BSG: variants seen among roughly 807,000 people sequenced by gnomAD.
BSG encodes basigin (Ok blood group).
In BSG, 37 loss-of-function variants were observed where a neutral mutation model predicts 43.1. The ratio of observed to expected loss-of-function variants is 0.86; its 90% CI spans 0.66 to 1.13. The LOEUF is 1.13. Among genes scored for constraint, BSG ranks in the 50% most tolerant of loss-of-function variants. The probability of loss-of-function intolerance (pLI) is 0.00; values close to 1 mark genes in which losing one functional copy is unlikely to be tolerated. For missense variants in BSG, 599 were observed against 554.2 expected, an observed-to-expected ratio of 1.08 and a Z score of -0.81; for synonymous variants, 309 against 238.7, an observed-to-expected ratio of 1.29 and a Z score of -2.72.
At chr19:572,310 G>C (rs1196340770), upstream of BSG, 1 of 885,032 alleles carries the variant, frequency 1.1e-6, no homozygotes, top group Non-Finnish European at 1.4e-6. Flanking sequence ...ACCGCTCTGC[G>C]CTCATTGCAA....
At chr19:578,251 C>T (rs761019268) in intron 2 of BSG, 130 bp downstream of exon 2, 13 of 1,007,148 alleles carry the variant, frequency 1.3e-5, no homozygotes, top group Admixed American at 3.3e-5. Flanking sequence ...TTGGGCCCAC[C>T]GCCTGGACGG....
chr19:578,775 A>G (rs1982008971), intron 2 of BSG: 2 of 300,122 alleles, frequency 6.7e-6, no homozygotes. Flanking sequence ...TGCTGTTCCC[A>G]GGTGGAGTGT....
At chr19:578,921 G>T (rs1240878293) in intron 2 of BSG, 2 of 426,150 alleles carry the variant, frequency 4.7e-6, no homozygotes, top group East Asian at 1.4e-4. Flanking sequence ...TAGAAGAGAC[G>T]GGGTTTCACC....
rs2145905864 is a variant in BSG, at chr19:583,117, C to T, written c.*373C>T. 2 of 158,144 alleles carry T rather than the reference C, an allele frequency of 1.3e-5. No homozygotes were observed. Among genetic ancestry groups the T allele is most frequent in the South Asian group, 1.8e-4 (1 of 5,494 alleles). The allele number at this position is 158,144 out of a possible 1,614,324, so 9.8% of individuals were successfully genotyped here. On this transcript the variant is annotated 3_prime_UTR_variant, in exon 9 of 9. Coordinates refer to ENST00000333511, the MANE Select transcript of BSG (RefSeq NM_001728.4). Reference sequence around the variant, plus strand: ...TCACACGAGGGGCCCCGTGTCCTGCCTGTCTGAAGCCAATGCTGTCTGGTT... The same window carrying T: ...TCACACGAGGGGCCCCGTGTCCTGCTTGTCTGAAGCCAATGCTGTCTGGTT...
chr19:578,258 A>G (rs2145895224), intron 2 of BSG, 137 bp downstream of exon 2: 2 of 948,700 alleles, frequency 2.1e-6, no homozygotes, highest in Non-Finnish European at 2.9e-6. Context: ...CACCGCCTGG[A>G]CGGAGGGGCC....
In BSG at chr19:582,884, T is replaced by A. The variant is rs1421938356; in HGVS notation, c.*140T>A. 3 of 441,132 alleles carry A rather than the reference T, an allele frequency of 6.8e-6. No individual in the cohort carries two copies. Among genetic ancestry groups the A allele is most frequent in the South Asian group, 3.5e-5 (1 of 28,634 alleles). The allele number at this position is 441,132 out of a possible 1,614,324, so 27.3% of individuals were successfully genotyped here. The stretch of plus-strand genomic sequence containing the variant: ...TCCCATCATACACTTCCTTCTTTTT[T>A]AAAAAAGTTGGGTTTTCTCCATTCA... On this transcript the variant is annotated 3_prime_UTR_variant, in exon 9 of 9. Coordinates refer to ENST00000333511, the MANE Select transcript of BSG (RefSeq NM_001728.4).
intron 6 of BSG, 69 bp from the exon 7 acceptor site, chr19:582,226 CCCTGCTCGGGG>C (rs1462212000): frequency 1.8e-5 from 29 of 1,577,376 alleles, no homozygotes; most frequent in Non-Finnish European, 2.5e-5. Context: ...GCACAGATGC[CCCTGCTCGGGG>C]CCTGAGTGGG....
chr19:581,308 C>A lies in BSG; in HGVS notation c.793-7C>A, dbSNP rs373808404. On this transcript the variant is annotated splice_polypyrimidine_tract_variant and splice_region_variant and intron_variant, in intron 5 of 8. Coordinates refer to ENST00000333511, the MANE Select transcript of BSG (RefSeq NM_001728.4). ...CCTGGACTCAGCCCTTGCCTTTGGT[C>A]CCCTAGGCCCTCATGAACGGCTCCG... 150 of 1,608,290 alleles carry A rather than the reference C, an allele frequency of 9.3e-5. No individual in the cohort carries two copies. The highest frequency in any genetic ancestry group is 7.2e-5 in the Non-Finnish European group (85 of 1,176,980).
intron 1 of BSG, among the ~76,000 whole-genome samples, chr19:574,825 C>T (rs1319146366): frequency 6.6e-6 from 1 of 152,208 alleles, no homozygotes; most frequent in Non-Finnish European, 1.5e-5. Context: ...CTGGCCCCAG[C>T]ACTGCGGCCA....
rs144824657 is a variant in BSG at position 577,782 on chromosome 19, G to A, written c.76G>A (p.Val26Ile). The A allele has an allele frequency of 9.1e-5, 129 of 1,417,784 alleles. 1 individual carries two copies. The highest frequency in any genetic ancestry group is 1.9e-4 in the Middle Eastern group (1 of 5,218). The allele number at this position is 1,417,784 out of a possible 1,614,324, so 87.8% of individuals were successfully genotyped here. A position where few individuals can be genotyped will look rare whatever the true frequency, so the allele number is the denominator to read the frequency against. The change falls in exon 2 of 9, where the codon GTC (valine) becomes ATC (isoleucine). Residue 26 changes from valine (V) to isoleucine (I), a missense_variant. Val to Ile is a conservative substitution (Grantham distance 29). Transcript: ENST00000333511. ...THGASGAAGF[V>I]QAPLSQQRWV... ...GCGTGCTCTCCCCACAGCCGGCTTC[G>A]TCCAGGCGCCGCTGTCCCAGCAGAG... is the stretch of plus-strand genomic sequence containing the variant.
Position 572,680 on chromosome 19 carries a change from A to G in BSG, c.46A>G (p.Thr16Ala), listed in dbSNP as rs11551906. Residue 16 changes from threonine (T) to alanine (A), a missense_variant, in exon 1 of 9, where the codon ACC becomes GCC. Transcript: ENST00000333511. ...GCTGCTGGGATTCGCGCTGCTGGGC[A>G]CCCACGGAGCCTCCGGGGCTGGTGA... ...FVLLGFALLG[T>A]HGASGAAGFV... 0.019 allele frequency: 28,745 copies of G among 1,496,322 alleles called. 345 individuals carry two copies. The highest frequency in any genetic ancestry group is 0.024 in the Non-Finnish European group (26,323 of 1,119,524). 92.7% of individuals were successfully genotyped at this position (1,496,322 alleles called of 1,614,324 possible).
Position 582,557 on chromosome 19 carries a change from C to A in BSG, c.1138C>A (p.Arg380Ser). ...CCAGAATGACAAAGGCAAGAACGTC[C>A]GCCAGAGGAACTCTTCCTGAGGCAG... ...QHQNDKGKNV[R>S]QRNSS Residue 380 changes from arginine (R) to serine (S), a missense_variant, in exon 8 of 9, where the codon CGC becomes AGC. Physicochemically the swap from Arg to Ser is moderately radical, Grantham distance 110 (BLOSUM62 -1). Coordinates refer to ENST00000333511, the MANE Select transcript of BSG (RefSeq NM_001728.4). 5.6e-6 allele frequency: 9 copies of A among 1,601,716 alleles called. No homozygotes were observed. The highest frequency in any genetic ancestry group is 7.7e-6 in the Non-Finnish European group (9 of 1,176,074).
intron 2 of BSG, 198 bp from the exon 3 acceptor site, chr19:579,302 C>A: frequency 1.3e-6 from 1 of 759,764 alleles, no homozygotes; most frequent in Non-Finnish European, 2.2e-6. Context: ...CCTCAGCAGG[C>A]GCTGGGCTCT....
At position 581,482 on chromosome 19, in the gene BSG, C is replaced by G. The variant is rs1176090268; in HGVS notation, c.960C>G (p.Ser320Arg). ...CCATCATCACGCTCCGCGTGCGCAG[C>G]CACCTGGCCGCCCTCTGGCCCTTCC... ...DQAIITLRVR[S>R]HLAALWPFLG... Residue 320 changes from serine (S) to arginine (R), a missense_variant, in exon 6 of 9, where the codon AGC (serine) becomes AGG (arginine). Physicochemically the swap from Ser to Arg is moderately radical, Grantham distance 110. Transcript: ENST00000333511. 1 of 1,604,764 alleles carries G rather than the reference C, an allele frequency of 6.2e-7. No individual in the cohort carries two copies. Among genetic ancestry groups the G allele is most frequent in the Admixed American group, 1.7e-5 (1 of 58,542 alleles).
intron 1 of BSG, among the ~76,000 whole-genome samples, chr19:576,158 G>C (rs1017355971): frequency 2.6e-5 from 4 of 152,220 alleles, no homozygotes; most frequent in East Asian, 1.9e-4. Context: ...GCTCGGCTGC[G>C]GGCCCCACCT....
chr19:582,224 GC>G, intron 6 of BSG, 81 bp from the exon 7 acceptor site: 1 of 1,570,170 alleles, frequency 6.4e-7, no homozygotes, highest in Non-Finnish European at 8.6e-7. Flanking sequence ...CAGCACAGAT[GC>G]CCCTGCTCGG....
rs775396066 is a variant in BSG, at chr19:578,137, C to T, written c.415+16C>T. 3.1e-5 allele frequency: 47 copies of T among 1,518,516 alleles called. No individual in the cohort carries two copies. The highest frequency in any genetic ancestry group is 5.3e-6 in the Non-Finnish European group (6 of 1,128,066). 94.1% of individuals were successfully genotyped at this position (1,518,516 alleles called of 1,614,324 possible). ...GTCCTGGAACGTGAGTGGCGGGCAC[C>T]TCCCTCCCCGCCTCCCTCAGTTTCC... On this transcript the variant is annotated intron_variant, in intron 2 of 8. Coordinates refer to ENST00000333511, the MANE Select transcript of BSG (RefSeq NM_001728.4).
chr19:572,580 C>G (rs999335900), upstream of BSG: 3 of 1,435,832 alleles, frequency 2.1e-6, no homozygotes, highest in Admixed American at 2.5e-5. Flanking sequence ...TTATAGCGGC[C>G]GCGGGCGGCG....
At chr19:576,962 T>TATGTGTG (rs1568349198) in intron 1 of BSG, among the ~76,000 whole-genome samples, 1 of 151,242 alleles carries the variant, frequency 6.6e-6, no homozygotes, top group Non-Finnish European at 1.5e-5. Flanking sequence ...ACGTGTGTCC[T>TATGTGTG]TGTGTGTGTG....
Sources: gnomAD v4.1 joint callset for allele counts (sites outside exome capture counted in the v4.1 genomes callset) on GRCh38, gnomAD v4.1.1 for gene constraint, MANE v1.5 for transcripts, NCBI Gene and HGNC (gene_info 2026-07-23, HGNC 2026-07-21) for gene names.